Variants in CARMIL1 observed in about 807,000 individuals in gnomAD.
CARMIL1 encodes capping protein regulator and myosin 1 linker 1.
CARMIL1 carries 90 observed loss-of-function variants against 177.1 expected under a neutral mutation model. The observed-to-expected ratio is 0.51, with a 90% CI of 0.43 to 0.61. The LOEUF is 0.61. Ranked by LOEUF, CARMIL1 falls within the 20% of genes least tolerant of loss-of-function variation. CARMIL1 has a pLI of 0.00. For synonymous variants in CARMIL1, 577 were observed against 606.2 expected, an observed-to-expected ratio of 0.95 and a Z score of 0.71; for missense variants, 1,380 against 1,667.0, an observed-to-expected ratio of 0.83 and a Z score of 3.00.
At chr6:25,479,672 T>G (rs1186642290) in intron 11 of CARMIL1, among the ~76,000 whole-genome samples, 1 of 152,128 alleles carries the variant, frequency 6.6e-6, no homozygotes, top group African/African-American at 2.4e-5. Flanking sequence ...TCCCTTTTTC[T>G]TATTTTTTTT....
intron 27 of CARMIL1, among the ~76,000 whole-genome samples, chr6:25,551,392 C>T (rs1417347662): frequency 6.6e-6 from 1 of 152,128 alleles, no homozygotes; most frequent in Non-Finnish European, 1.5e-5. Context: ...GTTTATCTTT[C>T]ACCTTTACAG....
chr6:25,606,222 C>A lies in CARMIL1; in HGVS notation c.3796C>A (p.Leu1266Met). The change falls in exon 35 of 37, where the codon CTG (leucine) becomes ATG (methionine). Residue 1266 changes from leucine to methionine, a missense_variant. Leu to Met is a conservative substitution (Grantham distance 15). Transcript: ENST00000329474. ...KPLLQSPKPS[L>M]AARPVIPQKP... ...CCTCCTGCAGTCCCCCAAACCCAGT[C>A]TGGCAGCACGGCCCGTCATCCCGCA... is the stretch of plus-strand genomic sequence containing the variant. The A allele has an allele frequency of 1.4e-5, 22 of 1,613,952 alleles. No individual in the cohort carries two copies. Among genetic ancestry groups the A allele is most frequent in the Non-Finnish European group, 1.9e-5 (22 of 1,179,876 alleles).
chr6:25,400,035 A>G (rs2150575955), intron 2 of CARMIL1, among the ~76,000 whole-genome samples: 1 of 152,302 alleles, frequency 6.6e-6, no homozygotes, highest in East Asian at 1.9e-4. Flanking sequence ...TAAATGGTGG[A>G]GCTGGTCCAG....
At chr6:25,543,460 A>G (rs968962061) in intron 26 of CARMIL1, among the ~76,000 whole-genome samples, 3 of 152,106 alleles carry the variant, frequency 2.0e-5, no homozygotes, top group African/African-American at 7.2e-5. Context: ...CAGAATGACA[A>G]CACTCCCCTG....
intron 2 of CARMIL1, among the ~76,000 whole-genome samples, chr6:25,382,384 A>G (rs1428758545): frequency 6.6e-6 from 1 of 152,170 alleles, no homozygotes; most frequent in Non-Finnish European, 1.5e-5. Context: ...CACTGACTTC[A>G]AGAATGAAGC....
chr6:25,289,082 G>A (rs1011989215), intron 2 of CARMIL1, among the ~76,000 whole-genome samples: 1 of 152,176 alleles, frequency 6.6e-6, no homozygotes, highest in East Asian at 1.9e-4. Flanking sequence ...TCTTGGGACA[G>A]TTAAGAAAAG....
intron 2 of CARMIL1, among the ~76,000 whole-genome samples, chr6:25,306,502 C>G (rs930343225): frequency 5.9e-5 from 9 of 152,144 alleles, no homozygotes; most frequent in Non-Finnish European, 1.0e-4. Context: ...TCTCCTCCCC[C>G]CCACTTTTAT....
At chr6:25,444,896 G>A (rs1399317624) in intron 5 of CARMIL1, among the ~76,000 whole-genome samples, 1 of 152,142 alleles carries the variant, frequency 6.6e-6, no homozygotes, top group African/African-American at 2.4e-5. Context: ...CCCAGTAATG[G>A]GATTGCTGGG....
chr6:25,425,073 A>C, intron 3 of CARMIL1, among the ~76,000 whole-genome samples: 1 of 152,214 alleles, frequency 6.6e-6, no homozygotes, highest in Non-Finnish European at 1.5e-5. Context: ...TTATGTATAG[A>C]TCTTGATAAT....
chr6:25,582,378 A>G (rs560429907), intron 31 of CARMIL1, among the ~76,000 whole-genome samples: 110 of 152,050 alleles, frequency 7.2e-4, no homozygotes, highest in Middle Eastern at 6.8e-3. Flanking sequence ...TAAGTTTTTT[A>G]TTGTCCGTCT....
At chr6:25,523,548 T>C (rs571221275) in intron 23 of CARMIL1, among the ~76,000 whole-genome samples, 26 of 152,292 alleles carry the variant, frequency 1.7e-4, no homozygotes, top group African/African-American at 6.0e-4. Context: ...TAGATATCTT[T>C]ATAATTTCCA....
rs111460273 is a variant in CARMIL1 at position 25,478,534 on chromosome 6, C to T, written c.875-3723C>T. On this transcript the variant is annotated intron_variant, in intron 11 of 36. Transcript: ENST00000329474. ...TAGATTGGCTGGGCACGGTGGCTCACGCCTATAATCCTAGCACTTTGGGAG... is the reference window on the plus strand; with the variant it reads ...TAGATTGGCTGGGCACGGTGGCTCATGCCTATAATCCTAGCACTTTGGGAG... Among the ~76,000 whole-genome samples, 588 of 152,302 alleles carry T rather than the reference C, an allele frequency of 3.9e-3. 6 individuals carry two copies. Among genetic ancestry groups the T allele is most frequent in the African/African-American group, 0.013 (525 of 41,560 alleles).
intron 26 of CARMIL1, among the ~76,000 whole-genome samples, chr6:25,542,261 G>A (rs1253803756): frequency 6.6e-6 from 1 of 152,168 alleles, no homozygotes; most frequent in African/African-American, 2.4e-5. Context: ...GCATGGAATT[G>A]TTGAAATGGA....
At chr6:25,389,910 A>G (rs984561858) in intron 2 of CARMIL1, among the ~76,000 whole-genome samples, 6 of 152,248 alleles carry the variant, frequency 3.9e-5, no homozygotes, top group Admixed American at 3.3e-4. Flanking sequence ...ACTATGTGCT[A>G]GGAAGCATTT....
intron 2 of CARMIL1, among the ~76,000 whole-genome samples, chr6:25,335,008 T>G (rs1004342060): frequency 6.6e-6 from 1 of 152,230 alleles, no homozygotes; most frequent in Non-Finnish European, 1.5e-5. Flanking sequence ...TTACAAAGGT[T>G]TCTATATAGG....
intron 2 of CARMIL1, among the ~76,000 whole-genome samples, chr6:25,390,316 ATATATTTTTTTT>A (rs1412979086): frequency 2.4e-5 from 1 of 42,208 alleles, no homozygotes; most frequent in South Asian, 9.6e-4. Context: ...ATATATATAT[ATATATTTTTTTT>A]TTTTTTTTTT....
At chr6:25,578,761 T>C (rs542154420) in intron 29 of CARMIL1, among the ~76,000 whole-genome samples, 1 of 152,154 alleles carries the variant, frequency 6.6e-6, no homozygotes, top group East Asian at 1.9e-4. Context: ...CTACAAGATA[T>C]GATAGGTATA....
Position 25,279,534 on chromosome 6 carries a change from G to T in CARMIL1, c.-262G>T, listed in dbSNP as rs548322408. 8 of 555,706 alleles carry T rather than the reference G, an allele frequency of 1.4e-5. No individual in the cohort carries two copies. The highest frequency in any genetic ancestry group is 2.1e-5 in the South Asian group (1 of 48,294). 34.4% of individuals were successfully genotyped at this position (555,706 alleles called of 1,614,324 possible). On this transcript the variant is annotated 5_prime_UTR_variant, in exon 1 of 37. Transcript: ENST00000329474. ...CCCGCGCCCGCTTGTAATCCGGTCCGCTCCTTATTCAGCCGCCGGGAACTG... is the reference window on the plus strand; with the variant it reads ...CCCGCGCCCGCTTGTAATCCGGTCCTCTCCTTATTCAGCCGCCGGGAACTG...
chr6:25,420,513 A>T, intron 3 of CARMIL1: 1 of 195,378 alleles, frequency 5.1e-6, no homozygotes, highest in Non-Finnish European at 1.0e-5. Context: ...TTCTCTCTCA[A>T]CTGGGGCTTG....
Sources: allele counts gnomAD v4.1 joint callset (sites outside exome capture counted in the v4.1 genomes callset), GRCh38; gene constraint gnomAD v4.1.1; transcripts MANE v1.5; gene names NCBI Gene and HGNC (gene_info 2026-07-23, HGNC 2026-07-21).